EBI3: variants seen among roughly 807,000 people sequenced by gnomAD.
The protein encoded by EBI3 is Epstein-Barr virus induced 3.
A neutral mutation model predicts 21.3 loss-of-function variants in EBI3; 19 were observed. The ratio of observed to expected loss-of-function variants is 0.89; its 90% confidence interval spans 0.62 to 1.31. The LOEUF (loss-of-function observed/expected upper bound fraction) is 1.31, where lower values mean the gene tolerates loss of function less well. Ranked by LOEUF, EBI3 falls within the 50% of genes most tolerant of loss-of-function variation. EBI3 has a pLI of 0.00. For synonymous variants in EBI3, 154 were observed against 131.2 expected, an observed-to-expected ratio of 1.17 and a Z score of -1.19; for missense variants, 331 against 314.0, an observed-to-expected ratio of 1.05 and a Z score of -0.41.
Position 4,237,091 on chromosome 19 carries a change from A to C in EBI3, c.*3A>C. On this transcript the variant is annotated 3_prime_UTR_variant, in exon 5 of 5. Coordinates refer to ENST00000221847, the MANE Select transcript of EBI3 (RefSeq NM_005755.3). ...CCACAATGAGCCTGGGCAAGTAGCA[A>C]GGGCTTCCCGCTGCCTCCAGACAGC... 1 of 1,511,244 alleles carries C rather than the reference A, an allele frequency of 6.6e-7. No individual in the cohort carries two copies. Among genetic ancestry groups the C allele is most frequent in the East Asian group, 2.5e-5 (1 of 39,490 alleles). 93.6% of individuals were successfully genotyped at this position (1,511,244 alleles called of 1,614,324 possible).
chr19:4,233,393 C>G, intron 3 of EBI3, 86 bp downstream of exon 3: 4 of 1,436,944 alleles, frequency 2.8e-6, no homozygotes, highest in Non-Finnish European at 3.7e-6. Context: ...GTCCTCCAGT[C>G]CTGCGGCTGC....
intron 2 of EBI3, 195 bp from the exon 3 acceptor site, chr19:4,232,934 G>A: frequency 1.9e-6 from 1 of 538,052 alleles, no homozygotes; most frequent in Non-Finnish European, 3.1e-6. Flanking sequence ...AACCATCAGG[G>A]GCACCGTGAT....
chr19:4,230,101 T>C (rs2144673658), intron 1 of EBI3, among the ~76,000 whole-genome samples: 1 of 152,184 alleles, frequency 6.6e-6, no homozygotes, highest in South Asian at 2.1e-4. Context: ...TTTTTATATT[T>C]TTAGTAGAGA....
Position 4,234,654 on chromosome 19 carries a change from G to T in EBI3, c.380-13G>T. On this transcript the variant is annotated splice_polypyrimidine_tract_variant and intron_variant, in intron 3 of 4. Transcript: ENST00000221847. ...TTACTGTCCCCTGACCCTGCTTCCTGCTTGTCCGTCAGTCAAGCCCGACCC... is the reference window on the plus strand; with the variant it reads ...TTACTGTCCCCTGACCCTGCTTCCTTCTTGTCCGTCAGTCAAGCCCGACCC... 6.2e-7 allele frequency: 1 copy of T among 1,609,104 alleles called. No homozygotes were observed. Among genetic ancestry groups the T allele is most frequent in the Non-Finnish European group, 8.5e-7 (1 of 1,176,782 alleles).
chr19:4,233,531 C>G (rs759353533), intron 3 of EBI3, among the ~76,000 whole-genome samples: 1 of 152,142 alleles, frequency 6.6e-6, no homozygotes, highest in Non-Finnish European at 1.5e-5. Flanking sequence ...GTCCTTCCCA[C>G]AGCAGCCACC....
Position 4,229,532 on chromosome 19 carries a change from A to G in EBI3, c.-19A>G. The G allele has an allele frequency of 3.1e-6, 5 of 1,605,148 alleles. No individual in the cohort carries two copies. The highest frequency in any genetic ancestry group is 4.3e-6 in the Non-Finnish European group (5 of 1,176,070). On this transcript the variant is annotated 5_prime_UTR_variant, in exon 1 of 5. Coordinates refer to ENST00000221847, the MANE Select transcript of EBI3 (RefSeq NM_005755.3). ...CACGACGTTCCCACCCACTCCTGAG[A>G]GCAGAGCTGGCCGCAGCCATGACCC...
intron 3 of EBI3, among the ~76,000 whole-genome samples, 195 bp downstream of exon 3, chr19:4,233,502 G>C (rs1970810397): frequency 6.6e-6 from 1 of 151,982 alleles, no homozygotes; most frequent in Non-Finnish European, 1.5e-5. Context: ...TCCATCCTGA[G>C]CCCTGGCCTC....
chr19:4,232,734 AT>A (rs1325793515), intron 2 of EBI3, among the ~76,000 whole-genome samples: 7 of 121,068 alleles, frequency 5.8e-5, no homozygotes, highest in African/African-American at 2.2e-4. Context: ...GAATGAATGA[AT>A]GAATGAAGGG....
chr19:4,232,914 C>T (rs898374352), intron 2 of EBI3: 10 of 493,002 alleles, frequency 2.0e-5, no homozygotes, highest in Non-Finnish European at 2.8e-5. Flanking sequence ...GGGTTGTAAT[C>T]CCCGACCTGA....
Position 4,229,594 on chromosome 19 carries a change from G to A in EBI3, c.44G>A (p.Cys15Tyr). The change falls in exon 1 of 5, where the codon TGC (cysteine) becomes TAC (tyrosine). Residue 15 changes from cysteine (C) to tyrosine (Y), a missense_variant. Cys to Tyr is a radical substitution (Grantham distance 194, BLOSUM62 -2). Coordinates refer to ENST00000221847, the MANE Select transcript of EBI3 (RefSeq NM_005755.3). ...LLLALVLWAS[C>Y]PPCSGRKGPP... ...CTGGCCCTTGTCCTCTGGGCCAGCT[G>A]CCCGCCCTGCAGTGGAAGGAAAGGT... The A allele has an allele frequency of 6.2e-7, 1 of 1,610,006 alleles. No homozygotes were observed. The highest frequency in any genetic ancestry group is 8.5e-7 in the Non-Finnish European group (1 of 1,178,474).
intron 4 of EBI3, 126 bp downstream of exon 4, chr19:4,234,950 A>T: frequency 7.3e-7 from 1 of 1,376,310 alleles, no homozygotes; most frequent in East Asian, 2.4e-5. Flanking sequence ...GAATAAGAGC[A>T]GTCCAGCAAT....
At chr19:4,232,552 A>AG (rs1568355427) in intron 2 of EBI3, among the ~76,000 whole-genome samples, 2 of 129,058 alleles carry the variant, frequency 1.5e-5, no homozygotes, top group African/African-American at 2.7e-5. Flanking sequence ...ACCCCCCCCC[A>AG]TCTGTAGAAA....
chr19:4,235,812 C>G lies in EBI3; in HGVS notation c.537+988C>G, dbSNP rs188831626. On this transcript the variant is annotated intron_variant, in intron 4 of 4. Transcript: ENST00000221847. ...GGTGTGGTGACACACACCTGTACCC[C>G]CAGTTACAAGAGGCTGAGGTGGGAG... 2.7e-3 allele frequency among the ~76,000 whole-genome samples: 410 copies of G among 152,186 alleles called. 3 individuals are homozygous for G. The highest frequency in any genetic ancestry group is 5.4e-3 in the Admixed American group (82 of 15,268).
rs1309507424 is a variant in EBI3 at position 4,229,528 on chromosome 19, T to C, written c.-23T>C. 3.1e-6 allele frequency: 5 copies of C among 1,600,842 alleles called. No individual in the cohort carries two copies. In the Admixed American group the frequency reaches 8.6e-5, roughly 27 times the overall value. On this transcript the variant is annotated 5_prime_UTR_variant, in exon 1 of 5. Coordinates refer to ENST00000221847, the MANE Select transcript of EBI3 (RefSeq NM_005755.3). Reference sequence around the variant, plus strand: ...CTCCCACGACGTTCCCACCCACTCCTGAGAGCAGAGCTGGCCGCAGCCATG... The same window carrying C: ...CTCCCACGACGTTCCCACCCACTCCCGAGAGCAGAGCTGGCCGCAGCCATG...
At chr19:4,231,037 A>G (rs1190266837) in intron 1 of EBI3, among the ~76,000 whole-genome samples, 154 bp from the exon 2 acceptor site, 1 of 152,130 alleles carries the variant, frequency 6.6e-6, no homozygotes. Context: ...ATGACAGATG[A>G]CTTTTGTCCA....
chr19:4,237,113 C>G lies in EBI3; in HGVS notation c.*25C>G. On this transcript the variant is annotated 3_prime_UTR_variant, in exon 5 of 5. Coordinates refer to ENST00000221847, the MANE Select transcript of EBI3 (RefSeq NM_005755.3). ...GCAAGGGCTTCCCGCTGCCTCCAGACAGCACCTGGGTCCTCGCCACCCTAA... is the reference window on the plus strand; with the variant it reads ...GCAAGGGCTTCCCGCTGCCTCCAGAGAGCACCTGGGTCCTCGCCACCCTAA... The G allele has an allele frequency of 2.7e-6, 4 of 1,477,666 alleles. No homozygotes were observed. The highest frequency in any genetic ancestry group is 2.7e-6 in the Non-Finnish European group (3 of 1,105,862). 91.5% of individuals were successfully genotyped at this position (1,477,666 alleles called of 1,614,324 possible).
rs1970807406 is a variant in EBI3, at chr19:4,233,245, T to A, written c.317T>A (p.Val106Asp). Residue 106 changes from valine (V) to aspartate (D), a missense_variant, in exon 3 of 5, where the codon GTC (valine) becomes GAC (aspartate). Coordinates refer to ENST00000221847, the MANE Select transcript of EBI3 (RefSeq NM_005755.3). ...LFSMAPYVLN[V>D]TAVHPWGSSS... ...TCCATGGCTCCCTACGTGCTCAATG[T>A]CACCGCCGTCCACCCCTGGGGCTCC... 1 of 1,612,450 alleles carries A rather than the reference T, an allele frequency of 6.2e-7. No individual in the cohort carries two copies. Among genetic ancestry groups the A allele is most frequent in the African/African-American group, 1.3e-5 (1 of 74,822 alleles).
chr19:4,232,992 G>C (rs1382967526), intron 2 of EBI3, 137 bp from the exon 3 acceptor site: 1 of 1,046,934 alleles, frequency 9.6e-7, no homozygotes, highest in Non-Finnish European at 1.3e-6. Context: ...CCACCACCAG[G>C]ACCCCACCCC....
chr19:4,235,544 G>A (rs909070453), intron 4 of EBI3, among the ~76,000 whole-genome samples: 1 of 151,982 alleles, frequency 6.6e-6, no homozygotes, highest in East Asian at 1.9e-4. Flanking sequence ...CTCAAACTAC[G>A]GAGCTTAGGT....
Sources: gnomAD v4.1 joint callset for allele counts (sites outside exome capture counted in the v4.1 genomes callset) on GRCh38, gnomAD v4.1.1 for gene constraint, MANE v1.5 for transcripts, NCBI Gene and HGNC (gene_info 2026-07-23, HGNC 2026-07-21) for gene names.